The following OSBPL3 variants were observed in gnomAD, a reference collection of about 807,000 sequenced individuals.
The protein encoded by OSBPL3 is oxysterol binding protein like 3, also known as oxysterol-binding protein-related protein 3.
In OSBPL3, 65 loss-of-function variants were observed where a neutral mutation model predicts 120.1. The ratio of observed to expected loss-of-function variants is 0.54; its 90% CI spans 0.44 to 0.67. The LOEUF is 0.67. Ranked by LOEUF, OSBPL3 falls within the 30% of genes least tolerant of loss-of-function variation. OSBPL3 has a pLI of 0.00. For synonymous variants in OSBPL3, 416 were observed against 402.6 expected (o/e 1.03, Z -0.40); for missense variants, 1,004 against 1,082.1 (o/e 0.93, Z 1.01).
At position 24,871,621 on chromosome 7, in the gene OSBPL3, C is replaced by G. The variant is rs1802123661; in HGVS notation, c.267+121G>C. On this transcript the variant is annotated intron_variant, in intron 4 of 22. Coordinates refer to ENST00000313367, the MANE Select transcript of OSBPL3 (RefSeq NM_015550.4). This position sits in a 1 kb window ranked among gnomAD's most constrained non-coding sequence, Gnocchi z 4.8. ...ACCCAGAGCTCAGACAGAAGTGTTTCCCCTCTATGGTTTCCAGTTCCGAGA... is the reference window on the plus strand; with the variant it reads ...ACCCAGAGCTCAGACAGAAGTGTTTGCCCTCTATGGTTTCCAGTTCCGAGA... The G allele has an allele frequency of 2.7e-6, 2 of 749,208 alleles. No individual in the cohort carries two copies. The highest frequency in any genetic ancestry group is 5.2e-5 in the East Asian group (2 of 38,744). The allele number at this position is 749,208 out of a possible 1,614,324, so 46.4% of individuals were successfully genotyped here.
At chr7:24,853,177 T>C (rs1799384110) in intron 10 of OSBPL3, among the ~76,000 whole-genome samples, 1 of 152,130 alleles carries the variant, frequency 6.6e-6, no homozygotes, top group African/African-American at 2.4e-5. Flanking sequence ...CTGGAAAGGG[T>C]TAAAAACAAA....
intron 1 of OSBPL3, among the ~76,000 whole-genome samples, chr7:24,941,121 C>T (rs1411630535): frequency 6.6e-6 from 1 of 152,190 alleles, no homozygotes; most frequent in Non-Finnish European, 1.5e-5. Flanking sequence ...ACCCGGCCAA[C>T]ATTGCTTTCT....
chr7:24,842,490 A>G (rs2128205885), intron 12 of OSBPL3, 77 bp from the exon 13 acceptor site: 1 of 1,146,998 alleles, frequency 8.7e-7, no homozygotes, highest in Non-Finnish European at 1.3e-6. Context: ...ATTTAGTTGT[A>G]CAATACACAA....
rs1307158905 is a variant in OSBPL3, at chr7:24,806,680, T to A, written c.2444+96A>T. On this transcript the variant is annotated intron_variant, in intron 21 of 22. Transcript: ENST00000313367. This position sits in a 1 kb window ranked among gnomAD's most constrained non-coding sequence, Gnocchi z 5.2. Reference sequence around the variant, plus strand: ...TCAATTCCTGATGACATTTTCCACCTTTCTCAGGTGCCTCTGGTGGCCTAA... The same window carrying A: ...TCAATTCCTGATGACATTTTCCACCATTCTCAGGTGCCTCTGGTGGCCTAA... The A allele has an allele frequency of 8.8e-7, 1 of 1,140,756 alleles. No individual in the cohort carries two copies. Among genetic ancestry groups the A allele is most frequent in the Non-Finnish European group, 1.3e-6 (1 of 800,002 alleles). 70.7% of individuals were successfully genotyped at this position (1,140,756 alleles called of 1,614,324 possible).
intron 12 of OSBPL3, among the ~76,000 whole-genome samples, chr7:24,848,308 TTTTTA>T (rs768817321): frequency 3.3e-5 from 5 of 152,236 alleles, no homozygotes; most frequent in Non-Finnish European, 7.3e-5. Flanking sequence ...TGCCTTACAT[TTTTTA>T]TTTTAAGTGT....
chr7:24,816,631 G>A lies in OSBPL3; in HGVS notation c.2006C>T (p.Thr669Ile), dbSNP rs145806924. The change falls in exon 18 of 23, where the codon ACA becomes ATA. Residue 669 changes from threonine (T) to isoleucine (I), a missense_variant. Coordinates refer to ENST00000313367, the MANE Select transcript of OSBPL3 (RefSeq NM_015550.4). ...GKSMEIVPIG[T>I]THVTLPVFGD... ...TTACACTGGCAGAGTCACATGGGTT[G>A]TGCCAATTGGAACAATTTCCATGGA... is the stretch of plus-strand genomic sequence containing the variant. 1.7e-5 allele frequency: 28 copies of A among 1,612,266 alleles called. No individual in the cohort carries two copies. The African/African-American group carries it at 3.6e-4, about 21-fold the overall frequency.
chr7:24,874,397 C>T (rs370983733), intron 2 of OSBPL3, among the ~76,000 whole-genome samples: 1 of 152,296 alleles, frequency 6.6e-6, no homozygotes, highest in East Asian at 1.9e-4. Context: ...TACACATCTG[C>T]TCAAAACATT....
At chr7:24,876,686 C>G (rs1245095836) in intron 2 of OSBPL3, among the ~76,000 whole-genome samples, 1 of 152,138 alleles carries the variant, frequency 6.6e-6, no homozygotes, top group Non-Finnish European at 1.5e-5. Flanking sequence ...TACAGCATGC[C>G]ATTTAAAACA....
intron 22 of OSBPL3, among the ~76,000 whole-genome samples, chr7:24,801,466 CGT>C (rs113246612): frequency 1.3e-5 from 2 of 151,378 alleles, no homozygotes; most frequent in Admixed American, 6.6e-5. Context: ...AGGGAAATTC[CGT>C]GTGTGTGTGT....
rs1237823737 is a variant in OSBPL3 at position 24,891,481 on chromosome 7, G to C, written c.96+896C>G. Among the ~76,000 whole-genome samples the C allele has an allele frequency of 2.0e-5, 3 of 152,174 alleles. No homozygotes were observed. Among genetic ancestry groups the C allele is most frequent in the African/African-American group, 7.2e-5 (3 of 41,442 alleles). On this transcript the variant is annotated intron_variant, in intron 2 of 22. Coordinates refer to ENST00000313367, the MANE Select transcript of OSBPL3 (RefSeq NM_015550.4). This position sits in a 1 kb window ranked among gnomAD's most constrained non-coding sequence, Gnocchi z 4.1. ...TTCCAATTCTGGAACCAAAGACTCT[G>C]GGTGATTTCTCAGGCCAGCACTTCC...
At chr7:24,846,381 G>C (rs1410177835) in intron 12 of OSBPL3, among the ~76,000 whole-genome samples, 1 of 152,166 alleles carries the variant, frequency 6.6e-6, no homozygotes, top group Admixed American at 6.5e-5. Flanking sequence ...TTTCTCAAAT[G>C]AAACTATCAC....
rs1222879565 is a variant in OSBPL3 at position 24,872,446 on chromosome 7, AGAGTGTGT to A, written c.97-385_97-378del. 7.7e-4 allele frequency among the ~76,000 whole-genome samples: 64 copies of A among 83,448 alleles called. No individual in the cohort carries two copies. The highest frequency in any genetic ancestry group is 5.6e-3 in the Middle Eastern group (1 of 178). 54.7% of individuals were successfully genotyped at this position (83,448 alleles called of 152,430 possible). ...CTTCAGTCTGAATTTTAACCGAAAG[AGAGTGTGT>A]GTGTGTGTGTGTGTGTGTGTGTGTG... On this transcript the variant is annotated intron_variant, in intron 2 of 22. Coordinates refer to ENST00000313367, the MANE Select transcript of OSBPL3 (RefSeq NM_015550.4). The surrounding 1 kb of genome is among the most constrained non-coding windows in gnomAD (Gnocchi z 4.1).
chr7:24,925,292 G>A (rs73691268), intron 1 of OSBPL3, among the ~76,000 whole-genome samples: 39,748 of 152,088 alleles, frequency 0.26, 5,411 homozygotes, highest in South Asian at 0.37. Context: ...GGGCTGACAC[G>A]GGCATGCACA....
In OSBPL3 at chr7:24,939,909, T is replaced by C. The variant is rs1012958665; in HGVS notation, c.-150+39977A>G. ...CATGCAGGTCTTAAAACCTAGATGA[T>C]GGGTTGGCAGGTGCAGCAAATCACC... On this transcript the variant is annotated intron_variant, in intron 1 of 22. Transcript: ENST00000313367. The surrounding 1 kb of genome is among the most constrained non-coding windows in gnomAD (Gnocchi z 4.2). Among the ~76,000 whole-genome samples the C allele has an allele frequency of 1.3e-5, 2 of 152,146 alleles. No homozygotes were observed. The highest frequency in any genetic ancestry group is 2.9e-5 in the Non-Finnish European group (2 of 68,030).
chr7:24,855,644 G>A lies in OSBPL3; in HGVS notation c.1028-3010C>T, dbSNP rs1799750832. Among the ~76,000 whole-genome samples, 1 of 152,160 alleles carries A rather than the reference G, an allele frequency of 6.6e-6. No homozygotes were observed. The highest frequency in any genetic ancestry group is 2.1e-4 in the South Asian group (1 of 4,820). On this transcript the variant is annotated intron_variant, in intron 10 of 22. Coordinates refer to ENST00000313367, the MANE Select transcript of OSBPL3 (RefSeq NM_015550.4). The surrounding 1 kb of genome is among the most constrained non-coding windows in gnomAD (Gnocchi z 4.3). ...GCCACCTAATGATCTGCCACACACA[G>A]GGCAATGATCAGAGGTTGCTCATGA...
rs539859409 is a variant in OSBPL3, at chr7:24,813,374, T to A, written c.2172+1685A>T. Among the ~76,000 whole-genome samples, 1 of 152,304 alleles carries A rather than the reference T, an allele frequency of 6.6e-6. No homozygotes were observed. The highest frequency in any genetic ancestry group is 2.1e-4 in the South Asian group (1 of 4,824). ...CTCTCATGACTATACACCCATTTTCTGCATGTAAGTGAATGAGAACAAGGT... is the reference window on the plus strand; with the variant it reads ...CTCTCATGACTATACACCCATTTTCAGCATGTAAGTGAATGAGAACAAGGT... On this transcript the variant is annotated intron_variant, in intron 19 of 22. Coordinates refer to ENST00000313367, the MANE Select transcript of OSBPL3 (RefSeq NM_015550.4). This position sits in a 1 kb window ranked among gnomAD's most constrained non-coding sequence, Gnocchi z 4.5.
intron 1 of OSBPL3, among the ~76,000 whole-genome samples, chr7:24,934,201 A>G (rs965096255): frequency 6.6e-6 from 1 of 152,198 alleles, no homozygotes; most frequent in Admixed American, 6.5e-5. Context: ...TATTACACAG[A>G]TATGGCATGT....
chr7:24,802,207 G>C lies in OSBPL3; in HGVS notation c.2568-1928C>G, dbSNP rs937055870. On this transcript the variant is annotated intron_variant, in intron 22 of 22. Transcript: ENST00000313367. This position sits in a 1 kb window ranked among gnomAD's most constrained non-coding sequence, Gnocchi z 4.1. ...AGACAGTTCACTATTTTAAAACAAAGAGGCTCAATTTGGTCTGAGCTCCAG... is the reference window on the plus strand; with the variant it reads ...AGACAGTTCACTATTTTAAAACAAACAGGCTCAATTTGGTCTGAGCTCCAG... 6.6e-6 allele frequency among the ~76,000 whole-genome samples: 1 copy of C among 152,114 alleles called. No individual in the cohort carries two copies. The highest frequency in any genetic ancestry group is 2.4e-5 in the African/African-American group (1 of 41,434).
At chr7:24,920,684 CCCA>C (rs1449748448) in intron 1 of OSBPL3, among the ~76,000 whole-genome samples, 1 of 151,790 alleles carries the variant, frequency 6.6e-6, no homozygotes, top group East Asian at 1.9e-4. Context: ...TTATGAAAAC[CCCA>C]CCAAGACTGC....
Sources: allele counts gnomAD v4.1 joint callset (sites outside exome capture counted in the v4.1 genomes callset), GRCh38; gene constraint gnomAD v4.1.1; non-coding constraint Gnocchi (gnomAD v3.1); transcripts MANE v1.5; gene names NCBI Gene and HGNC (gene_info 2026-07-23, HGNC 2026-07-21).